Variants in REPS1 observed in about 807,000 individuals in gnomAD.
REPS1 encodes the protein RALBP1 associated Eps domain containing 1, also known as ralBP1-associated Eps domain-containing protein 1.
A neutral mutation model predicts 100.9 loss-of-function variants in REPS1; 39 were observed. That is an observed-to-expected ratio of 0.39 (90% CI 0.30 to 0.50). The LOEUF (loss-of-function observed/expected upper bound fraction) is 0.50. Among genes scored for constraint, REPS1 ranks in the 20% least tolerant of loss-of-function variants. The probability of loss-of-function intolerance (pLI) is 0.86; values close to 1 mark genes in which losing one functional copy is unlikely to be tolerated. For missense variants in REPS1, 821 were observed against 968.5 expected (o/e 0.85, Z 2.02); for synonymous variants, 324 against 340.3 (o/e 0.95, Z 0.53).
At chr6:138,932,439 T>G (rs959967095) in intron 8 of REPS1, among the ~76,000 whole-genome samples, 4 of 149,306 alleles carry the variant, frequency 2.7e-5, no homozygotes, top group Non-Finnish European at 5.9e-5. Flanking sequence ...TATTCTTCAC[T>G]TACAGTTATT....
At chr6:138,983,031 C>CA (rs1195919152) in intron 1 of REPS1, among the ~76,000 whole-genome samples, 1 of 152,184 alleles carries the variant, frequency 6.6e-6, no homozygotes, top group Non-Finnish European at 1.5e-5. Flanking sequence ...ATGGGGAAGT[C>CA]AAAATCAGAC....
chr6:138,934,904 G>T (rs952640610), intron 8 of REPS1, among the ~76,000 whole-genome samples: 1 of 152,022 alleles, frequency 6.6e-6, no homozygotes, highest in African/African-American at 2.4e-5. Flanking sequence ...AAAAACAATC[G>T]AGTGTTCATG....
chr6:138,941,372 G>A lies in REPS1; in HGVS notation c.1098C>T (p.Ser366=). Residue 366 remains serine, a synonymous_variant, in exon 8 of 20, where the codon AGC becomes AGT. Transcript: ENST00000450536. ...CCAAATCAATCAGTTTGGGCATTAA[G>A]CTTTCAGGAAGTTTTTCTGGTAAAT... ...GYDLPEKLPE[S]LMPKLIDLED... The A allele has an allele frequency of 6.2e-7, 1 of 1,614,022 alleles. No individual in the cohort carries two copies. The highest frequency in any genetic ancestry group is 1.1e-5 in the South Asian group (1 of 91,080).
In REPS1 at chr6:138,987,936, C is replaced by T; in HGVS notation, c.-254G>A. On this transcript the variant is annotated 5_prime_UTR_variant, in exon 1 of 20. Transcript: ENST00000450536. ...GCTGCGGCTGCGGCTGCGACTACGG[C>T]TCCGGCTCCGGCTCCGGCTCCGGCC... The T allele has an allele frequency of 3.1e-6, 1 of 325,570 alleles. No homozygotes were observed. The highest frequency in any genetic ancestry group is 5.0e-6 in the Non-Finnish European group (1 of 199,776). 20.2% of individuals were successfully genotyped at this position (325,570 alleles called of 1,614,324 possible).
At chr6:138,964,573 T>C (rs562910560) in intron 1 of REPS1, among the ~76,000 whole-genome samples, 3 of 152,130 alleles carry the variant, frequency 2.0e-5, no homozygotes, top group African/African-American at 7.2e-5. Flanking sequence ...CATTCCACAA[T>C]GTATACATAT....
At chr6:138,926,526 G>A in intron 9 of REPS1, 45 bp from the exon 10 acceptor site, 1 of 1,343,206 alleles carries the variant, frequency 7.4e-7, no homozygotes, top group South Asian at 1.2e-5. Flanking sequence ...GAGAAAGATG[G>A]AGTAAAAGAT....
rs756639060 is a variant in REPS1 at position 138,930,073 on chromosome 6, T to G, written c.1161A>C (p.Val387=). 1 of 1,613,244 alleles carries G rather than the reference T, an allele frequency of 6.2e-7. No homozygotes were observed. Among genetic ancestry groups the G allele is most frequent in the Non-Finnish European group, 8.5e-7 (1 of 1,179,282 alleles). The change falls in exon 9 of 20, where the codon GTA becomes GTC. Residue 387 remains valine (V), a synonymous_variant. Coordinates refer to ENST00000450536, the MANE Select transcript of REPS1 (RefSeq NM_001286611.2). ...CTTCAGCAGGAGAGCCTGAATAACC[T>G]ACCTCACCTGGCTGATCCCCAACAT... ...SADVGDQPGE[V]GYSGSPAEAP...
intron 1 of REPS1, among the ~76,000 whole-genome samples, chr6:138,968,624 G>T (rs1784143295): frequency 6.6e-6 from 1 of 152,078 alleles, no homozygotes; most frequent in Admixed American, 6.5e-5. Context: ...CTTTAAATGA[G>T]ACACTTTTTT....
chr6:138,934,795 C>T (rs1163442531), intron 8 of REPS1, among the ~76,000 whole-genome samples: 2 of 148,548 alleles, frequency 1.3e-5, no homozygotes, highest in Admixed American at 7.0e-5. Flanking sequence ...TATTCAATAA[C>T]GATGGTTCAA....
intron 14 of REPS1, among the ~76,000 whole-genome samples, 157 bp downstream of exon 14, chr6:138,915,701 C>T (rs1218019234): frequency 1.3e-5 from 2 of 152,066 alleles, no homozygotes; most frequent in Non-Finnish European, 2.9e-5. Context: ...GATCTGCCTG[C>T]CCCTCAAAGT....
chr6:138,940,781 G>T (rs778583197), intron 8 of REPS1, among the ~76,000 whole-genome samples: 1 of 148,904 alleles, frequency 6.7e-6, no homozygotes, highest in Non-Finnish European at 1.5e-5. Flanking sequence ...AGAAAAGGAA[G>T]AAAGAAAGAA....
chr6:138,907,401 T>C, intron 19 of REPS1, 94 bp downstream of exon 19: 1 of 789,242 alleles, frequency 1.3e-6, no homozygotes, highest in South Asian at 1.6e-5. Context: ...GAGAACCATA[T>C]ATGTGATCTT....
At chr6:138,931,621 T>C (rs1229214009) in intron 8 of REPS1, among the ~76,000 whole-genome samples, 1 of 152,196 alleles carries the variant, frequency 6.6e-6, no homozygotes, top group Admixed American at 6.5e-5. Context: ...ATCTTCTCAA[T>C]AGAAGTGTCT....
chr6:138,919,117 A>ATCAGT (rs1281593278), intron 12 of REPS1, among the ~76,000 whole-genome samples: 41 of 152,278 alleles, frequency 2.7e-4, no homozygotes, highest in African/African-American at 9.6e-4. Flanking sequence ...ACCTACAGCT[A>ATCAGT]TCAGTTTTCC....
intron 2 of REPS1, among the ~76,000 whole-genome samples, chr6:138,947,005 T>C (rs1001447268): frequency 6.7e-6 from 1 of 150,048 alleles, no homozygotes; most frequent in Non-Finnish European, 1.5e-5. Context: ...TGAGATCTGA[T>C]GGTTTAAATG....
chr6:138,926,294 C>T, intron 10 of REPS1, 107 bp downstream of exon 10: 4 of 798,264 alleles, frequency 5.0e-6, no homozygotes, highest in African/African-American at 1.7e-5. Context: ...CCGCCACTTC[C>T]CTCTAAGCAC....
At position 138,938,703 on chromosome 6, in the gene REPS1, G is replaced by T. The variant is rs73561669; in HGVS notation, c.1135+2632C>A. 3.0e-3 allele frequency among the ~76,000 whole-genome samples: 462 copies of T among 152,268 alleles called. 2 individuals carry two copies. Among genetic ancestry groups the T allele is most frequent in the African/African-American group, 0.011 (437 of 41,542 alleles). ...TTAGCATGTAGAAAATGCTATGAGA[G>T]ATCAGAAATGAGAGAAACCACCTCT... On this transcript the variant is annotated intron_variant, in intron 8 of 19. Coordinates refer to ENST00000450536, the MANE Select transcript of REPS1 (RefSeq NM_001286611.2).
chr6:138,988,227 C>T lies in REPS1; in HGVS notation c.-545G>A, dbSNP rs1029741773. On this transcript the variant is annotated 5_prime_UTR_variant, in exon 1 of 20. Coordinates refer to ENST00000450536, the MANE Select transcript of REPS1 (RefSeq NM_001286611.2). ...CGCCATTTACAGTGCCCCGGCCCGGCCCCGACGCGCCCGCACCAACAGTGA... is the reference window on the plus strand; with the variant it reads ...CGCCATTTACAGTGCCCCGGCCCGGTCCCGACGCGCCCGCACCAACAGTGA... 3.5e-5 allele frequency: 14 copies of T among 398,390 alleles called. No individual in the cohort carries two copies. Among genetic ancestry groups the T allele is most frequent in the Non-Finnish European group, 5.8e-5 (13 of 226,070 alleles). 24.7% of individuals were successfully genotyped at this position (398,390 alleles called of 1,614,324 possible).
chr6:138,984,404 C>T (rs372803135), intron 1 of REPS1, among the ~76,000 whole-genome samples: 2 of 152,106 alleles, frequency 1.3e-5, no homozygotes, highest in African/African-American at 4.8e-5. Flanking sequence ...TTTTGTCCCA[C>T]TCCCACCACT....
Sources: allele counts gnomAD v4.1 joint callset (sites outside exome capture counted in the v4.1 genomes callset), GRCh38; gene constraint gnomAD v4.1.1; transcripts MANE v1.5; gene names NCBI Gene and HGNC (gene_info 2026-07-23, HGNC 2026-07-21).